ZNF385D: variants seen among roughly 807,000 people sequenced by gnomAD.
ZNF385D encodes the protein zinc finger protein 385D.
A neutral mutation model predicts 35.8 loss-of-function variants in ZNF385D; 15 were observed. The observed-to-expected ratio is 0.42, with a 90% confidence interval of 0.28 to 0.64. The LOEUF (loss-of-function observed/expected upper bound fraction) is 0.64. Ranked by LOEUF, ZNF385D falls within the 30% of genes least tolerant of loss-of-function variation. The probability of loss-of-function intolerance (pLI) is 0.23; values close to 1 mark genes in which losing one functional copy is unlikely to be tolerated. For missense variants in ZNF385D, 474 were observed against 494.6 expected, an observed-to-expected ratio of 0.96 and a Z score of 0.39; for synonymous variants, 212 against 186.8, an observed-to-expected ratio of 1.13 and a Z score of -1.10.
intron 3 of ZNF385D, among the ~76,000 whole-genome samples, chr3:21,842,413 C>T (rs1270735356): frequency 2.0e-5 from 3 of 151,950 alleles, no homozygotes; most frequent in Non-Finnish European, 4.4e-5. Context: ...ATGTGAATTT[C>T]CCCTACCTTG....
chr3:22,006,720 T>A (rs1298024785), intron 3 of ZNF385D, among the ~76,000 whole-genome samples: 1 of 151,982 alleles, frequency 6.6e-6, no homozygotes, highest in Non-Finnish European at 1.5e-5. Context: ...GAAGCTTTTT[T>A]TTGTGAAAAC....
chr3:22,264,153 G>T (rs1266706749), intron 2 of ZNF385D, among the ~76,000 whole-genome samples: 1 of 151,984 alleles, frequency 6.6e-6, no homozygotes, highest in Non-Finnish European at 1.5e-5. Context: ...AAACTGTGAG[G>T]CATATATAAG....
At chr3:21,551,876 A>C (rs2062578794) in intron 3 of ZNF385D, among the ~76,000 whole-genome samples, 1 of 152,196 alleles carries the variant, frequency 6.6e-6, no homozygotes. Context: ...CAGTTATGGC[A>C]AAATACCAAA....
chr3:22,358,011 G>A (rs1018126750), intron 2 of ZNF385D, among the ~76,000 whole-genome samples: 1 of 151,826 alleles, frequency 6.6e-6, no homozygotes, highest in Non-Finnish European at 1.5e-5. Flanking sequence ...TGAGCTCCTG[G>A]AAAGAAAATG....
chr3:22,163,308 C>T (rs927353376), intron 3 of ZNF385D, among the ~76,000 whole-genome samples: 1 of 152,136 alleles, frequency 6.6e-6, no homozygotes, highest in Non-Finnish European at 1.5e-5. Flanking sequence ...TACATGCATT[C>T]TATATACCTT....
At chr3:22,247,030 C>T (rs1401649253) in intron 2 of ZNF385D, among the ~76,000 whole-genome samples, 1 of 152,142 alleles carries the variant, frequency 6.6e-6, no homozygotes, top group Non-Finnish European at 1.5e-5. Flanking sequence ...TTCATTTATA[C>T]ACTAACTCAC....
At position 21,435,255 on chromosome 3, in the gene ZNF385D, A is replaced by ATT. The variant is rs3064965; in HGVS notation, c.673+1713_673+1714dup. Among the ~76,000 whole-genome samples, 955 of 113,342 alleles carry ATT rather than the reference A, an allele frequency of 8.4e-3. 21 individuals carry two copies. Among genetic ancestry groups the ATT allele is most frequent in the East Asian group, 0.024 (88 of 3,666 alleles). The allele number at this position is 113,342 out of a possible 152,430, so 74.4% of individuals were successfully genotyped here. A position where few individuals can be genotyped will look rare whatever the true frequency, so the allele number is the denominator to read the frequency against. On this transcript the variant is annotated intron_variant, in intron 5 of 7. Transcript: ENST00000281523. ...AAGAATTCAAGAAGAACAACTCCCA[A>ATT]TTTTTTTTTTTTTTTTTTTTTTGAG...
intron 3 of ZNF385D, among the ~76,000 whole-genome samples, chr3:22,023,081 T>C (rs1012453732): frequency 1.7e-4 from 26 of 152,210 alleles, no homozygotes. Context: ...CCTCCCTCCC[T>C]GAGGTCTTTT....
intron 3 of ZNF385D, among the ~76,000 whole-genome samples, chr3:21,523,516 C>T (rs6789053): frequency 0.62 from 94,621 of 151,966 alleles, 29,501 homozygotes; most frequent in East Asian, 0.71. Context: ...AATAATATTA[C>T]GTGCATCACT....
intron 3 of ZNF385D, among the ~76,000 whole-genome samples, chr3:22,116,976 C>T (rs1702844833): frequency 6.6e-6 from 1 of 151,932 alleles, no homozygotes; most frequent in Non-Finnish European, 1.5e-5. Context: ...ATTTGTTACC[C>T]TCTTTCAACA....
chr3:22,122,903 G>A (rs76646849), intron 3 of ZNF385D, among the ~76,000 whole-genome samples: 2,771 of 152,232 alleles, frequency 0.018, 73 homozygotes, highest in African/African-American at 0.063. Context: ...ATGGGTGAAC[G>A]CCATAAGTGA....
chr3:21,517,561 T>A (rs769335737), intron 3 of ZNF385D, among the ~76,000 whole-genome samples: 15 of 152,210 alleles, frequency 9.9e-5, no homozygotes, highest in Non-Finnish European at 1.9e-4. Context: ...AGCCTTGCAA[T>A]AAACCTTGAA....
At chr3:22,327,590 T>C (rs1694737841) in intron 2 of ZNF385D, among the ~76,000 whole-genome samples, 1 of 152,200 alleles carries the variant, frequency 6.6e-6, no homozygotes, top group Non-Finnish European at 1.5e-5. Context: ...AATCTCCATG[T>C]AGGTCCATCT....
At chr3:22,180,886 G>A (rs1165858431) in intron 2 of ZNF385D, among the ~76,000 whole-genome samples, 4 of 131,628 alleles carry the variant, frequency 3.0e-5, no homozygotes, top group South Asian at 2.3e-4. Context: ...ATTTCGGCTT[G>A]TAAATCCAGT....
intron 3 of ZNF385D, among the ~76,000 whole-genome samples, chr3:21,760,328 C>G (rs999467590): frequency 2.6e-5 from 4 of 152,206 alleles, no homozygotes; most frequent in Non-Finnish European, 5.9e-5. Flanking sequence ...GAACTTAATT[C>G]ATCTTGCTGT....
chr3:21,771,235 A>G (rs1245252052), intron 3 of ZNF385D, among the ~76,000 whole-genome samples: 5 of 152,044 alleles, frequency 3.3e-5, no homozygotes, highest in African/African-American at 1.2e-4. Flanking sequence ...AACTTAAAGT[A>G]TAATAATAAA....
intron 3 of ZNF385D, among the ~76,000 whole-genome samples, chr3:21,901,262 C>A (rs915330680): frequency 3.2e-4 from 49 of 152,184 alleles, no homozygotes; most frequent in African/African-American, 1.1e-3. Context: ...CAGGCGTGAG[C>A]CACTTATTTA....
At chr3:21,439,078 TTGCGAAG>T (rs1184652849) in intron 4 of ZNF385D, among the ~76,000 whole-genome samples, 4 of 152,056 alleles carry the variant, frequency 2.6e-5, no homozygotes, top group Non-Finnish European at 5.9e-5. Context: ...AGTAGCTAAT[TTGCGAAG>T]TGTTTTACAT....
chr3:21,481,496 C>T (rs909107456), intron 4 of ZNF385D, among the ~76,000 whole-genome samples: 6 of 152,120 alleles, frequency 3.9e-5, no homozygotes, highest in East Asian at 1.9e-4. Context: ...GAGAATTCAT[C>T]GCCTCATGAG....
Sources: allele counts gnomAD v4.1 joint callset (sites outside exome capture counted in the v4.1 genomes callset), GRCh38; gene constraint gnomAD v4.1.1; transcripts MANE v1.5; gene names NCBI Gene and HGNC (gene_info 2026-07-23, HGNC 2026-07-21).